Variants in SLC25A13 observed in about 807,000 individuals in gnomAD.
The protein encoded by SLC25A13 is electrogenic aspartate/glutamate antiporter SLC25A13, mitochondrial.
In SLC25A13, 70 loss-of-function variants were observed where a neutral mutation model predicts 85.5. The observed-to-expected ratio is 0.82, with a 90% CI of 0.68 to 1.00. The LOEUF (loss-of-function observed/expected upper bound fraction) is 1.00. Among genes scored for constraint, SLC25A13 ranks in the 50% least tolerant of loss-of-function variants. SLC25A13 has a pLI of 0.00. For synonymous variants in SLC25A13, 259 were observed against 288.7 expected, an observed-to-expected ratio of 0.90 and a Z score of 1.04; for missense variants, 765 against 819.8, an observed-to-expected ratio of 0.93 and a Z score of 0.82.
chr7:96,232,059 C>G (rs754208519), intron 4 of SLC25A13, among the ~76,000 whole-genome samples: 1 of 152,066 alleles, frequency 6.6e-6, no homozygotes, highest in Non-Finnish European at 1.5e-5. Context: ...CAGAATTATC[C>G]TTCAACCCAC....
intron 1 of SLC25A13, chr7:96,309,663 G>A (rs1462000413): frequency 6.6e-6 from 1 of 152,124 alleles, no homozygotes; most frequent in Non-Finnish European, 1.5e-5. Context: ...TGTGTCCAGA[G>A]AAGGTCCTTG....
intron 4 of SLC25A13, among the ~76,000 whole-genome samples, chr7:96,223,249 T>G (rs896576727): frequency 6.6e-6 from 1 of 152,206 alleles, no homozygotes; most frequent in African/African-American, 2.4e-5. Context: ...CCACCAACAC[T>G]TGTAATGAAA....
intron 11 of SLC25A13, among the ~76,000 whole-genome samples, chr7:96,183,040 T>C (rs1475936182): frequency 6.6e-6 from 1 of 152,252 alleles, no homozygotes; most frequent in South Asian, 2.1e-4. Flanking sequence ...TGCAAAGTTG[T>C]TGCCATCAGG....
At chr7:96,189,432 C>T (rs1025848331) in intron 8 of SLC25A13, 54 bp from the exon 9 acceptor site, 18 of 1,575,120 alleles carry the variant, frequency 1.1e-5, no homozygotes, top group Non-Finnish European at 1.6e-5. Flanking sequence ...TTACAATTTA[C>T]ATTATAAAAT....
At chr7:96,159,145 C>A (rs774256628) in intron 13 of SLC25A13, among the ~76,000 whole-genome samples, 1 of 152,182 alleles carries the variant, frequency 6.6e-6, no homozygotes, top group Non-Finnish European at 1.5e-5. Flanking sequence ...CTCACCCTGT[C>A]GAGCTCTGAA....
chr7:96,211,910 T>C (rs1795712610), intron 4 of SLC25A13, among the ~76,000 whole-genome samples: 2 of 152,214 alleles, frequency 1.3e-5, no homozygotes, highest in African/African-American at 4.8e-5. Context: ...TAGCCAGCAC[T>C]CCAGGTTTTC....
chr7:96,208,897 G>A lies in SLC25A13; in HGVS notation c.409C>T (p.His137Tyr). Reference sequence around the variant, plus strand: ...TGTCTTTTTCTTTCTTTTCCAAAATGTAGTTGCACAAATTCTGAATCCCAG... The same window carrying A: ...TGTCTTTTTCTTTCTTTTCCAAAATATAGTTGCACAAATTCTGAATCCCAG... ...FNWDSEFVQL[H>Y]FGKERKRHLT... Residue 137 changes from histidine (H) to tyrosine (Y), a missense_variant, in exon 5 of 18, where the codon CAT (histidine) becomes TAT (tyrosine). By Grantham distance (83) the His-to-Tyr change is moderately conservative. Transcript: ENST00000265631. 6.2e-7 allele frequency: 1 copy of A among 1,614,082 alleles called. No homozygotes were observed. The highest frequency in any genetic ancestry group is 8.5e-7 in the Non-Finnish European group (1 of 1,179,980).
chr7:96,193,573 A>G (rs1027938450), intron 5 of SLC25A13, among the ~76,000 whole-genome samples: 3 of 152,242 alleles, frequency 2.0e-5, no homozygotes, highest in African/African-American at 7.2e-5. Context: ...CTTCTCTCCA[A>G]AGAAAAGAGA....
intron 2 of SLC25A13, chr7:96,283,426 G>T: frequency 7.0e-6 from 3 of 427,264 alleles, no homozygotes; most frequent in Non-Finnish European, 1.4e-5. Flanking sequence ...AAAACATAGA[G>T]TTGTTCCTTT....
At chr7:96,230,416 A>G (rs1305147204) in intron 4 of SLC25A13, among the ~76,000 whole-genome samples, 1 of 152,246 alleles carries the variant, frequency 6.6e-6, no homozygotes, top group Non-Finnish European at 1.5e-5. Context: ...AAAGTTCAGA[A>G]AGATGTACAC....
chr7:96,163,225 G>C (rs187030080), intron 13 of SLC25A13, among the ~76,000 whole-genome samples: 29 of 152,306 alleles, frequency 1.9e-4, no homozygotes, highest in Non-Finnish European at 3.7e-4. Flanking sequence ...AAGAAGTCTT[G>C]TTTCTGCCCA....
intron 14 of SLC25A13, among the ~76,000 whole-genome samples, chr7:96,143,290 G>A (rs1792643684): frequency 6.6e-6 from 1 of 152,224 alleles, no homozygotes; most frequent in South Asian, 2.1e-4. Context: ...CTACGGAAAA[G>A]GTAATGTTCA....
intron 4 of SLC25A13, chr7:96,219,542 T>C: frequency 2.7e-6 from 1 of 364,234 alleles, no homozygotes; most frequent in Non-Finnish European, 5.6e-6. Flanking sequence ...TGGGCCTGTT[T>C]CCTCATCCAT....
chr7:96,261,421 G>A (rs1797847369), intron 3 of SLC25A13, among the ~76,000 whole-genome samples: 1 of 152,070 alleles, frequency 6.6e-6, no homozygotes, highest in Non-Finnish European at 1.5e-5. Context: ...TGTAGCAGAA[G>A]GCCATTTTAC....
At chr7:96,206,502 G>A (rs1465653590) in intron 5 of SLC25A13, among the ~76,000 whole-genome samples, 4 of 152,134 alleles carry the variant, frequency 2.6e-5, no homozygotes, top group Non-Finnish European at 4.4e-5. Flanking sequence ...AAACCCAATG[G>A]TAGACATTAA....
At chr7:96,139,285 T>C (rs1004854473) in intron 14 of SLC25A13, among the ~76,000 whole-genome samples, 1 of 152,216 alleles carries the variant, frequency 6.6e-6, no homozygotes, top group Non-Finnish European at 1.5e-5. Flanking sequence ...CCTGGGTAAC[T>C]GAATCATTCA....
At chr7:96,258,202 T>C (rs1203401428) in intron 3 of SLC25A13, among the ~76,000 whole-genome samples, 2 of 152,190 alleles carry the variant, frequency 1.3e-5, no homozygotes, top group African/African-American at 4.8e-5. Flanking sequence ...CAAAATAGTA[T>C]TGGAAGTTCT....
At chr7:96,154,314 T>A (rs1450173552) in intron 13 of SLC25A13, among the ~76,000 whole-genome samples, 5 of 150,450 alleles carry the variant, frequency 3.3e-5, no homozygotes, top group South Asian at 2.1e-4. Flanking sequence ...TTTTTTTTTT[T>A]AAGACAGAGT....
intron 11 of SLC25A13, among the ~76,000 whole-genome samples, chr7:96,179,180 C>T (rs569740679): frequency 9.2e-5 from 14 of 152,226 alleles, no homozygotes; most frequent in African/African-American, 2.6e-4. Flanking sequence ...TTGGGGAAAA[C>T]GATCAGATAC....
Sources: allele counts gnomAD v4.1 joint callset (sites outside exome capture counted in the v4.1 genomes callset), GRCh38; gene constraint gnomAD v4.1.1; transcripts MANE v1.5; gene names NCBI Gene and HGNC (gene_info 2026-07-23, HGNC 2026-07-21).